The following FAM168A variants were observed in gnomAD, a reference collection of about 807,000 sequenced individuals.
FAM168A encodes family with sequence similarity 168 member A.
FAM168A carries 3 observed loss-of-function variants against 28.5 expected under a neutral mutation model. That is an observed-to-expected ratio of 0.11 (90% CI 0.05 to 0.27). FAM168A has a LOEUF of 0.27. FAM168A is among the 10% of genes least tolerant of loss of function. FAM168A has a pLI of 1.00. For synonymous variants in FAM168A, 122 were observed against 124.2 expected, an observed-to-expected ratio of 0.98 and a Z score of 0.12; for missense variants, 222 against 311.5, an observed-to-expected ratio of 0.71 and a Z score of 2.16.
chr11:73,585,620 C>A (rs1944303857), intron 1 of FAM168A, among the ~76,000 whole-genome samples: 1 of 152,120 alleles, frequency 6.6e-6, no homozygotes, highest in Non-Finnish European at 1.5e-5. Context: ...GTAACTCCAA[C>A]ACTTTGGGAG....
intron 1 of FAM168A, among the ~76,000 whole-genome samples, chr11:73,568,088 G>A (rs904880453): frequency 3.3e-5 from 5 of 152,164 alleles, no homozygotes; most frequent in East Asian, 1.9e-4. Context: ...TCTACTAGAC[G>A]TTGGCGGTAC....
chr11:73,421,753 A>C (rs1447477793), intron 3 of FAM168A, among the ~76,000 whole-genome samples: 1 of 152,236 alleles, frequency 6.6e-6, no homozygotes, highest in Non-Finnish European at 1.5e-5. Flanking sequence ...TAAAAAGTAA[A>C]ACATGTAGCT....
At chr11:73,465,332 G>C (rs557180769) in intron 2 of FAM168A, among the ~76,000 whole-genome samples, 1 of 151,330 alleles carries the variant, frequency 6.6e-6, no homozygotes, top group East Asian at 1.9e-4. Context: ...TTGAGGTCTT[G>C]ACTACACTCC....
At chr11:73,555,630 C>A (rs1943881020) in intron 1 of FAM168A, among the ~76,000 whole-genome samples, 1 of 151,658 alleles carries the variant, frequency 6.6e-6, no homozygotes, top group South Asian at 2.1e-4. Flanking sequence ...ATTGCTTGAA[C>A]CCGGGAGGCA....
chr11:73,504,706 A>G (rs1479779223), intron 1 of FAM168A, among the ~76,000 whole-genome samples: 2 of 152,228 alleles, frequency 1.3e-5, no homozygotes, highest in Non-Finnish European at 2.9e-5. Flanking sequence ...ATGCACATAT[A>G]TGTTTACTGC....
chr11:73,564,742 CAAA>C (rs1294055661), intron 1 of FAM168A, among the ~76,000 whole-genome samples: 1 of 50,160 alleles, frequency 2.0e-5, no homozygotes. Context: ...GACTCCGTCA[CAAA>C]AAAAAAAAAA....
intron 1 of FAM168A, among the ~76,000 whole-genome samples, chr11:73,548,807 A>ATT (rs555609112): frequency 2.0e-5 from 3 of 151,034 alleles, no homozygotes; most frequent in Admixed American, 2.0e-4. Context: ...AGGCCAGACA[A>ATT]TTTTTTTTTG....
At chr11:73,554,269 T>C (rs1943863095) in intron 1 of FAM168A, among the ~76,000 whole-genome samples, 1 of 151,084 alleles carries the variant, frequency 6.6e-6, no homozygotes, top group African/African-American at 2.4e-5. Context: ...TCCCAGCTAC[T>C]TGGGAGGCTA....
intron 4 of FAM168A, 121 bp downstream of exon 4, chr11:73,419,753 A>G (rs1439041640): frequency 7.8e-7 from 1 of 1,288,390 alleles, no homozygotes; most frequent in Non-Finnish European, 1.1e-6. Context: ...TGGGTAAAAG[A>G]ACCTCTTAAA....
intron 1 of FAM168A, among the ~76,000 whole-genome samples, chr11:73,555,579 G>A (rs1207081338): frequency 1.3e-5 from 2 of 151,904 alleles, no homozygotes; most frequent in Non-Finnish European, 2.9e-5. Context: ...GTGGTCATGG[G>A]CGCCTGTAAA....
chr11:73,517,877 G>A (rs1050598737), intron 1 of FAM168A, among the ~76,000 whole-genome samples: 5 of 152,192 alleles, frequency 3.3e-5, no homozygotes, highest in South Asian at 4.2e-4. Context: ...TCCTTTCAGC[G>A]TTATGTCACA....
chr11:73,561,462 CAT>C (rs148416945), intron 1 of FAM168A, among the ~76,000 whole-genome samples: 43 of 149,568 alleles, frequency 2.9e-4, no homozygotes, highest in Admixed American at 4.7e-4. Context: ...ACTGGGGAGA[CAT>C]ATATATATAT....
intron 2 of FAM168A, among the ~76,000 whole-genome samples, chr11:73,447,985 G>A (rs890911230): frequency 6.6e-6 from 1 of 152,172 alleles, no homozygotes; most frequent in African/African-American, 2.4e-5. Context: ...ACTTTGCAGA[G>A]TTGAGATGAT....
intron 1 of FAM168A, among the ~76,000 whole-genome samples, chr11:73,566,695 C>T (rs141333172): frequency 1.3e-5 from 2 of 152,208 alleles, no homozygotes; most frequent in African/African-American, 4.8e-5. Context: ...GTCATACACT[C>T]TACTCATTCA....
intron 1 of FAM168A, among the ~76,000 whole-genome samples, chr11:73,591,143 C>CA (rs1046210318): frequency 3.7e-4 from 51 of 138,436 alleles, no homozygotes; most frequent in East Asian, 4.2e-4. Context: ...GACTCTGTCT[C>CA]AAAAAAAAAA....
At chr11:73,424,968 C>T (rs991755149) in intron 3 of FAM168A, 22 of 1,415,102 alleles carry the variant, frequency 1.6e-5, no homozygotes, top group African/African-American at 2.9e-5. Context: ...ACCATTGTTA[C>T]GAGAGAACAC....
chr11:73,454,830 C>T (rs945075614), intron 2 of FAM168A, among the ~76,000 whole-genome samples: 2 of 152,178 alleles, frequency 1.3e-5, no homozygotes, highest in African/African-American at 4.8e-5. Flanking sequence ...CCAACCCGTC[C>T]CCTTTTCAGC....
chr11:73,410,161 C>G (rs1370845351), intron 5 of FAM168A, among the ~76,000 whole-genome samples: 1 of 151,848 alleles, frequency 6.6e-6, no homozygotes, highest in East Asian at 1.9e-4. Context: ...AGTTCCAGCA[C>G]TTTGGAGGCC....
At chr11:73,443,884 G>A (rs1867251137) in intron 2 of FAM168A, among the ~76,000 whole-genome samples, 1 of 152,032 alleles carries the variant, frequency 6.6e-6, no homozygotes. Context: ...TCTGCATGTG[G>A]GCCGGCTTGG....
Sources: allele counts gnomAD v4.1 joint callset (sites outside exome capture counted in the v4.1 genomes callset), GRCh38; gene constraint gnomAD v4.1.1; transcripts MANE v1.5; gene names NCBI Gene and HGNC (gene_info 2026-07-23, HGNC 2026-07-21).